The following SIL1 variants were observed in gnomAD, a reference collection of about 807,000 sequenced individuals.
SIL1 encodes the protein SIL1 nucleotide exchange factor.
Under a neutral mutation model 49.1 loss-of-function variants are expected in SIL1, and 40 were observed. The ratio of observed to expected loss-of-function variants is 0.81; its 90% confidence interval spans 0.63 to 1.06. SIL1 has a LOEUF of 1.06. SIL1 is among the 50% of genes least tolerant of loss of function. The pLI, the probability that SIL1 is intolerant of heterozygous loss-of-function variation, is 0.00. For missense variants in SIL1, 500 were observed against 572.6 expected (o/e 0.87, Z 1.29); for synonymous variants, 253 against 250.8 (o/e 1.01, Z -0.08).
intron 3 of SIL1, among the ~76,000 whole-genome samples, chr5:139,114,477 C>A (rs900202413): frequency 1.3e-5 from 2 of 152,192 alleles, no homozygotes; most frequent in African/African-American, 4.8e-5. Context: ...CTCCTATAGG[C>A]CTCAAGAGAC....
At chr5:139,143,306 TACACACACACACACAC>T (rs752710937) in intron 1 of SIL1, among the ~76,000 whole-genome samples, 3,009 of 123,692 alleles carry the variant, frequency 0.024, 94 homozygotes, top group Middle Eastern at 0.058. Context: ...TATACATATA[TACACACACACACACAC>T]ACACACACAC....
rs1766692769 is a variant in SIL1 at position 138,948,705 on chromosome 5, T to C, written c.1030-1232A>G. Among the ~76,000 whole-genome samples, 1 of 152,192 alleles carries C rather than the reference T, an allele frequency of 6.6e-6. No individual in the cohort carries two copies. On this transcript the variant is annotated intron_variant, in intron 9 of 9. Coordinates refer to ENST00000394817, the MANE Select transcript of SIL1 (RefSeq NM_022464.5). This position sits in a 1 kb window ranked among gnomAD's most constrained non-coding sequence, Gnocchi z 4.8. Reference sequence around the variant, plus strand: ...CTGACCGGCCTCCCCTGACTGGCCTTCTCTGCTTATATGCTGCTGTGGTTT... The same window carrying C: ...CTGACCGGCCTCCCCTGACTGGCCTCCTCTGCTTATATGCTGCTGTGGTTT...
intron 2 of SIL1, among the ~76,000 whole-genome samples, chr5:139,126,598 T>C (rs564825582): frequency 3.3e-5 from 5 of 152,236 alleles, no homozygotes; most frequent in East Asian, 1.9e-4. Context: ...TGGGATCCCA[T>C]TCTTACTGTC....
chr5:139,029,402 A>C (rs1407350189), intron 5 of SIL1, among the ~76,000 whole-genome samples: 1 of 152,220 alleles, frequency 6.6e-6, no homozygotes, highest in Non-Finnish European at 1.5e-5. Flanking sequence ...CTCTCTGAGA[A>C]ATTTCACAAC....
intron 3 of SIL1, among the ~76,000 whole-genome samples, chr5:139,116,747 G>A (rs979974772): frequency 1.3e-5 from 2 of 152,242 alleles, no homozygotes; most frequent in South Asian, 4.1e-4. Context: ...GAGTAGCTGG[G>A]ACTACATTCG....
rs1035098132 is a variant in SIL1, at chr5:139,021,407, A to G, written c.646-115T>C. The G allele has an allele frequency of 4.8e-6, 7 of 1,466,898 alleles. No individual in the cohort carries two copies. In the African/African-American group the frequency reaches 8.4e-5, roughly 18 times the overall value. 90.9% of individuals were successfully genotyped at this position (1,466,898 alleles called of 1,614,324 possible). On this transcript the variant is annotated intron_variant, in intron 6 of 9. Coordinates refer to ENST00000394817, the MANE Select transcript of SIL1 (RefSeq NM_022464.5). ...AAATTAAAAAGCCATGGAAAAATCA[A>G]TAATGGCCTTTTTGACTAAGAAAAG... is the stretch of plus-strand genomic sequence containing the variant.
chr5:139,053,968 G>C (rs1005447099), intron 3 of SIL1, among the ~76,000 whole-genome samples: 2 of 152,170 alleles, frequency 1.3e-5, no homozygotes, highest in African/African-American at 4.8e-5. Context: ...GACCTGGCTG[G>C]CATATAGTGA....
chr5:139,117,908 G>T (rs1304527966), intron 3 of SIL1, among the ~76,000 whole-genome samples: 1 of 152,128 alleles, frequency 6.6e-6, no homozygotes, highest in African/African-American at 2.4e-5. Context: ...GTTCCAGGCA[G>T]CAGGCAGTCT....
At chr5:139,054,033 C>T (rs962958849) in intron 3 of SIL1, among the ~76,000 whole-genome samples, 3 of 152,164 alleles carry the variant, frequency 2.0e-5, no homozygotes, top group African/African-American at 7.2e-5. Context: ...ATAGTCCCAG[C>T]ACTTTGGGAG....
chr5:139,061,638 A>G (rs1372076032), intron 3 of SIL1, among the ~76,000 whole-genome samples: 1 of 152,260 alleles, frequency 6.6e-6, no homozygotes, highest in Non-Finnish European at 1.5e-5. Flanking sequence ...GTTGTGAAGA[A>G]CAAATGAAAA....
At chr5:139,103,799 G>T (rs1033137104) in intron 3 of SIL1, among the ~76,000 whole-genome samples, 3 of 152,216 alleles carry the variant, frequency 2.0e-5, no homozygotes, top group African/African-American at 7.2e-5. Context: ...GAAACTCCCA[G>T]GAGGCACTTA....
At chr5:139,171,713 G>GA (rs1438166140) in intron 1 of SIL1, among the ~76,000 whole-genome samples, 1 of 133,012 alleles carries the variant, frequency 7.5e-6, no homozygotes, top group Non-Finnish European at 1.6e-5. Flanking sequence ...AAAATAAAAA[G>GA]AAAAAAAATA....
chr5:139,001,832 G>C (rs186919918), intron 7 of SIL1, among the ~76,000 whole-genome samples: 55 of 152,250 alleles, frequency 3.6e-4, no homozygotes, highest in Middle Eastern at 3.4e-3. Context: ...GTGAACCCGG[G>C]AGGCAGAGGT....
chr5:139,020,568 T>C (rs1768498067), intron 7 of SIL1, among the ~76,000 whole-genome samples: 1 of 152,232 alleles, frequency 6.6e-6, no homozygotes, highest in Non-Finnish European at 1.5e-5. Context: ...TGCAGATATC[T>C]TGACCTTTGC....
chr5:139,174,955 A>G (rs1482861793), intron 1 of SIL1, among the ~76,000 whole-genome samples: 1 of 151,166 alleles, frequency 6.6e-6, no homozygotes, highest in Non-Finnish European at 1.5e-5. Flanking sequence ...AAAAAAAAAA[A>G]AAAAAGAATA....
At chr5:139,059,029 T>C (rs888047994) in intron 3 of SIL1, among the ~76,000 whole-genome samples, 1 of 151,604 alleles carries the variant, frequency 6.6e-6, no homozygotes, top group African/African-American at 2.4e-5. Flanking sequence ...ACAATACAAA[T>C]TATATATACA....
At chr5:139,086,323 T>G (rs956500494) in intron 3 of SIL1, among the ~76,000 whole-genome samples, 2 of 151,532 alleles carry the variant, frequency 1.3e-5, no homozygotes, top group African/African-American at 2.4e-5. Context: ...CAAATTTAAC[T>G]TCTACATAAA....
chr5:139,059,815 C>T (rs937914721), intron 3 of SIL1, among the ~76,000 whole-genome samples: 2 of 152,094 alleles, frequency 1.3e-5, no homozygotes, highest in Non-Finnish European at 2.9e-5. Flanking sequence ...ATCTAATACA[C>T]GGGCTCATTT....
At chr5:139,071,117 G>A (rs550032798) in intron 3 of SIL1, among the ~76,000 whole-genome samples, 10 of 146,646 alleles carry the variant, frequency 6.8e-5, no homozygotes, top group African/African-American at 2.3e-4. Context: ...GAAACATGCC[G>A]AACTGCATCA....
Sources: gnomAD v4.1 joint callset for allele counts (sites outside exome capture counted in the v4.1 genomes callset) on GRCh38, gnomAD v4.1.1 for gene constraint, Gnocchi (gnomAD v3.1) non-coding constraint, MANE v1.5 for transcripts, NCBI Gene and HGNC (gene_info 2026-07-23, HGNC 2026-07-21) for gene names.